Variants in MAP2K5 observed in about 807,000 individuals in gnomAD.
MAP2K5 encodes mitogen-activated protein kinase kinase 5.
A neutral mutation model predicts 83.1 loss-of-function variants in MAP2K5; 49 were observed. That is an observed-to-expected ratio of 0.59 (90% CI 0.47 to 0.75). MAP2K5 has a LOEUF of 0.75. MAP2K5 is among the 30% of genes least tolerant of loss of function. MAP2K5 has a pLI of 0.00. For missense variants in MAP2K5, 457 were observed against 557.5 expected, an observed-to-expected ratio of 0.82 and a Z score of 1.82; for synonymous variants, 202 against 191.8, an observed-to-expected ratio of 1.05 and a Z score of -0.44.
chr15:67,626,473 G>T (rs1352895741), intron 8 of MAP2K5, among the ~76,000 whole-genome samples: 8 of 152,092 alleles, frequency 5.3e-5, no homozygotes, highest in African/African-American at 7.2e-5. Flanking sequence ...GATGCAGTGA[G>T]CCGAGATTGT....
At chr15:67,742,811 C>T (rs188621689) in intron 17 of MAP2K5, among the ~76,000 whole-genome samples, 2 of 152,304 alleles carry the variant, frequency 1.3e-5, no homozygotes, top group Admixed American at 1.3e-4. Flanking sequence ...TTTACTTTGG[C>T]TCTTATACAC....
At position 67,781,094 on chromosome 15, in the gene MAP2K5, A is replaced by C. The variant is rs1346851436; in HGVS notation, c.1242+8342A>C. 3.9e-5 allele frequency among the ~76,000 whole-genome samples: 6 copies of C among 152,222 alleles called. No homozygotes were observed. In the East Asian group the frequency reaches 1.2e-3, roughly 29 times the overall value. ...GCCACCCACTCCCCAGCTCTTGGGA[A>C]TAATGGATTCAGTTGAAAAAGATCA... On this transcript the variant is annotated intron_variant, in intron 21 of 21. Transcript: ENST00000178640. This position sits in a 1 kb window ranked among gnomAD's most constrained non-coding sequence, Gnocchi z 4.0.
chr15:67,608,680 C>T (rs1185094877), intron 8 of MAP2K5, among the ~76,000 whole-genome samples: 1 of 151,974 alleles, frequency 6.6e-6, no homozygotes, highest in African/African-American at 2.4e-5. Flanking sequence ...GATTAAAGGG[C>T]TCCATGACAG....
Position 67,802,879 on chromosome 15 carries a change from C to G in MAP2K5, c.1243-3767C>G, listed in dbSNP as rs573077017. ...GAGGGATGTACATTTCACCCAAGCC[C>G]AGGGGAGGGACCAGCCGCAGGGGCT... is the stretch of plus-strand genomic sequence containing the variant. On this transcript the variant is annotated intron_variant, in intron 21 of 21. Transcript: ENST00000178640. The surrounding 1 kb of genome is among the most constrained non-coding windows in gnomAD (Gnocchi z 5.0). 2.0e-5 allele frequency among the ~76,000 whole-genome samples: 3 copies of G among 152,320 alleles called. No individual in the cohort carries two copies. The highest frequency in any genetic ancestry group is 1.9e-4 in the East Asian group (1 of 5,182).
Position 67,769,716 on chromosome 15 carries a change from T to TAA in MAP2K5, c.1196+54_1196+55dup. The TAA allele has an allele frequency of 6.4e-7, 1 of 1,571,652 alleles. No individual in the cohort carries two copies. The highest frequency in any genetic ancestry group is 1.1e-5 in the South Asian group (1 of 89,672). ...CCTCAATGTAAATGATACATGCCATTAACTCGGCAGCTCCGTGAGACCTTA... is the reference window on the plus strand; with the variant it reads ...CCTCAATGTAAATGATACATGCCATTAAAACTCGGCAGCTCCGTGAGACCTTA... On this transcript the variant is annotated intron_variant, in intron 20 of 21. Coordinates refer to ENST00000178640, the MANE Select transcript of MAP2K5 (RefSeq NM_145160.3). The surrounding 1 kb of genome is among the most constrained non-coding windows in gnomAD (Gnocchi z 5.2).
rs1391291560 is a variant in MAP2K5 at position 67,780,904 on chromosome 15, AT to A, written c.1242+8153del. Among the ~76,000 whole-genome samples, 5 of 152,306 alleles carry A rather than the reference AT, an allele frequency of 3.3e-5. No individual in the cohort carries two copies. The East Asian group carries it at 9.6e-4, about 29-fold the overall frequency. On this transcript the variant is annotated intron_variant, in intron 21 of 21. Coordinates refer to ENST00000178640, the MANE Select transcript of MAP2K5 (RefSeq NM_145160.3). The surrounding 1 kb of genome is among the most constrained non-coding windows in gnomAD (Gnocchi z 5.0). ...ATCAGCAGCACATATGATCTTTGGT[AT>A]GCATTCTGACCACTTGAGAATTTAC...
chr15:67,549,725 C>T (rs2084470126), intron 1 of MAP2K5, among the ~76,000 whole-genome samples: 1 of 152,158 alleles, frequency 6.6e-6, no homozygotes, highest in African/African-American at 2.4e-5. Context: ...ATTCCACAGC[C>T]TCCCATAGAA....
intron 16 of MAP2K5, among the ~76,000 whole-genome samples, chr15:67,721,914 T>G (rs2088968087): frequency 6.6e-6 from 1 of 152,224 alleles, no homozygotes; most frequent in Non-Finnish European, 1.5e-5. Context: ...GATGCTTTCG[T>G]TACATTTATT....
Position 67,786,114 on chromosome 15 carries a change from C to G in MAP2K5, c.1242+13362C>G, listed in dbSNP as rs551571880. Reference sequence around the variant, plus strand: ...CATGGGGCACGAGGTCATTCAGCCTCTTTGGGTCATGATTTTCTCATCTGT... The same window carrying G: ...CATGGGGCACGAGGTCATTCAGCCTGTTTGGGTCATGATTTTCTCATCTGT... On this transcript the variant is annotated intron_variant, in intron 21 of 21. Coordinates refer to ENST00000178640, the MANE Select transcript of MAP2K5 (RefSeq NM_145160.3). This position sits in a 1 kb window ranked among gnomAD's most constrained non-coding sequence, Gnocchi z 4.7. 3.3e-5 allele frequency among the ~76,000 whole-genome samples: 5 copies of G among 152,064 alleles called. No homozygotes were observed. The South Asian group carries it at 1.0e-3, about 32-fold the overall frequency.
chr15:67,580,819 A>G lies in MAP2K5; in HGVS notation c.318A>G (p.Pro106=), dbSNP rs2085164201. 6.2e-7 allele frequency: 1 copy of G among 1,603,054 alleles called. No homozygotes were observed. Among genetic ancestry groups the G allele is most frequent in the African/African-American group, 1.3e-5 (1 of 74,850 alleles). The change falls in exon 4 of 22, where the codon CCA becomes CCG. Residue 106 remains proline (P), a synonymous_variant. Coordinates refer to ENST00000178640, the MANE Select transcript of MAP2K5 (RefSeq NM_145160.3). The stretch of plus-strand genomic sequence containing the variant: ...TAATAGAGCCTCTGCAGATATTTCC[A>G]AGAGGTAATGTTGAGCAAATTCTAA... The part of the protein sequence containing the change: ...GQLIEPLQIF[P]RACKPPGERN...
chr15:67,546,995 G>T (rs1341604994), intron 1 of MAP2K5, among the ~76,000 whole-genome samples: 1 of 151,870 alleles, frequency 6.6e-6, no homozygotes, highest in Non-Finnish European at 1.5e-5. Context: ...GAACCTAGAG[G>T]TCGAGGCTAT....
chr15:67,643,682 G>A (rs34765730), intron 9 of MAP2K5, among the ~76,000 whole-genome samples: 31,671 of 151,942 alleles, frequency 0.21, 4,706 homozygotes, highest in East Asian at 0.53. Context: ...TCCTGACCTC[G>A]TGATCTGCCC....
Position 67,755,686 on chromosome 15 carries a change from C to A in MAP2K5, c.1134+7085C>A, listed in dbSNP as rs1429042859. Among the ~76,000 whole-genome samples, 1 of 152,106 alleles carries A rather than the reference C, an allele frequency of 6.6e-6. No homozygotes were observed. The highest frequency in any genetic ancestry group is 1.5e-5 in the Non-Finnish European group (1 of 68,026). ...CACCATAATGATGTGCATATGCCAG[C>A]CAGACAGATAAGTAAACAGTAGAGG... On this transcript the variant is annotated intron_variant, in intron 19 of 21. Coordinates refer to ENST00000178640, the MANE Select transcript of MAP2K5 (RefSeq NM_145160.3). This position sits in a 1 kb window ranked among gnomAD's most constrained non-coding sequence, Gnocchi z 4.7.
chr15:67,551,390 C>T lies in MAP2K5; in HGVS notation c.184+1308C>T, dbSNP rs2084507662. On this transcript the variant is annotated intron_variant, in intron 2 of 21. Coordinates refer to ENST00000178640, the MANE Select transcript of MAP2K5 (RefSeq NM_145160.3). ...TTGCCTTGGTGCCTAGACTGGAATG[C>T]TGTGGCATGATAGCTCACTGTAACC... Among the ~76,000 whole-genome samples, 3 of 150,942 alleles carry T rather than the reference C, an allele frequency of 2.0e-5. No individual in the cohort carries two copies. In the South Asian group the frequency reaches 6.3e-4, roughly 32 times the overall value.
At position 67,577,570 on chromosome 15, in the gene MAP2K5, CTGTT is replaced by C. The variant is rs953803496; in HGVS notation, c.253-3178_253-3175del. Among the ~76,000 whole-genome samples the C allele has an allele frequency of 3.3e-5, 5 of 152,048 alleles. No individual in the cohort carries two copies. Among genetic ancestry groups the C allele is most frequent in the Admixed American group, 6.6e-5 (1 of 15,266 alleles). On this transcript the variant is annotated intron_variant, in intron 3 of 21. Transcript: ENST00000178640. The surrounding 1 kb of genome is among the most constrained non-coding windows in gnomAD (Gnocchi z 4.1). ...TTTAGGGGTGTTTTTTTGGTCGTTG[CTGTT>C]TGTTTCTTTGTTTTTTTCTTTTCTT...
At chr15:67,651,712 T>C (rs1352630888) in intron 11 of MAP2K5, among the ~76,000 whole-genome samples, 1 of 152,254 alleles carries the variant, frequency 6.6e-6, no homozygotes, top group East Asian at 1.9e-4. Context: ...GGCTGAATAA[T>C]ATTTCATTGT....
chr15:67,629,118 A>G, intron 8 of MAP2K5: 1 of 732,446 alleles, frequency 1.4e-6, no homozygotes, highest in Non-Finnish European at 2.5e-6. Context: ...TAGCTACGGC[A>G]GTGGCAGAAG....
intron 19 of MAP2K5, among the ~76,000 whole-genome samples, chr15:67,761,280 C>T (rs994598130): frequency 2.0e-5 from 3 of 151,982 alleles, no homozygotes; most frequent in Non-Finnish European, 4.4e-5. Context: ...CCTTTGTTCC[C>T]CTCATAGTAA....
At position 67,692,519 on chromosome 15, in the gene MAP2K5, G is replaced by C. The variant is rs376882213; in HGVS notation, c.888G>C (p.Gln296His). 3.7e-5 allele frequency: 60 copies of C among 1,613,558 alleles called. No homozygotes were observed. Among genetic ancestry groups the C allele is most frequent in the Non-Finnish European group, 4.8e-5 (57 of 1,179,686 alleles). Residue 296 changes from glutamine (Q) to histidine (H), a missense_variant, in exon 14 of 22, where the codon CAG (glutamine) becomes CAC (histidine). Physicochemically the swap from Gln to His is conservative, Grantham distance 24. This residue lies in a region of MAP2K5 where 168 missense variants were observed against 263.0 expected (regional missense o/e 0.64). Transcript: ENST00000178640. ...PSNMLVNTRG[Q>H]VKLCDFGVST... ...ATATGCTAGTAAACACAAGAGGACA[G>C]GTTAAGCTGTGTGATTTTGGAGTTA... is the stretch of plus-strand genomic sequence containing the variant.
Sources: allele counts gnomAD v4.1 joint callset (sites outside exome capture counted in the v4.1 genomes callset), GRCh38; gene constraint gnomAD v4.1.1; regional missense constraint gnomAD v4.1.1; non-coding constraint Gnocchi (gnomAD v3.1); transcripts MANE v1.5; gene names NCBI Gene and HGNC (gene_info 2026-07-23, HGNC 2026-07-21).